SART3: variants seen among roughly 807,000 people sequenced by gnomAD.
SART3 encodes HIV-1 Tat-interacting protein of 110kDa.
A neutral mutation model predicts 122.3 loss-of-function variants in SART3; 44 were observed. The ratio of observed to expected loss-of-function variants is 0.36; its 90% CI spans 0.28 to 0.46. The LOEUF (loss-of-function observed/expected upper bound fraction) is 0.46. Ranked by LOEUF, SART3 falls within the 20% of genes least tolerant of loss-of-function variation. The pLI, the probability that SART3 is intolerant of heterozygous loss-of-function variation, is 1.00. For synonymous variants in SART3, 442 were observed against 454.0 expected, an observed-to-expected ratio of 0.97 and a Z score of 0.34; for missense variants, 1,101 against 1,229.0, an observed-to-expected ratio of 0.90 and a Z score of 1.56.
rs913358771 is a variant in SART3 at position 108,536,985 on chromosome 12, T to C, written c.1310-200A>G. On this transcript the variant is annotated intron_variant, in intron 9 of 18. Coordinates refer to ENST00000546815, the MANE Select transcript of SART3 (RefSeq NM_014706.4). ...TGAACAGAATAGAGCATGGACAGCGTGGTGAAAAAGGCAAACACAGGGTGC... is the reference window on the plus strand; with the variant it reads ...TGAACAGAATAGAGCATGGACAGCGCGGTGAAAAAGGCAAACACAGGGTGC... 4 of 596,316 alleles carry C rather than the reference T, an allele frequency of 6.7e-6. No individual in the cohort carries two copies. In the African/African-American group the frequency reaches 7.4e-5, roughly 11 times the overall value. The allele number at this position is 596,316 out of a possible 1,614,324, so 36.9% of individuals were successfully genotyped here.
intron 1 of SART3, among the ~76,000 whole-genome samples, chr12:108,550,062 A>T (rs1316396773): frequency 6.6e-6 from 1 of 151,778 alleles, no homozygotes; most frequent in Non-Finnish European, 1.5e-5. Context: ...TAGAGAAACA[A>T]GAGTGGCAGC....
rs761786884 is a variant in SART3 at position 108,561,082 on chromosome 12, C to T, written c.73G>A (p.Glu25Lys). 1 of 1,614,196 alleles carries T rather than the reference C, an allele frequency of 6.2e-7. No homozygotes were observed. Among genetic ancestry groups the T allele is most frequent in the South Asian group, 1.1e-5 (1 of 91,092 alleles). ...ESKAGPKADG[E>K]EDEVKAARTR... Reference sequence around the variant, plus strand: ...CTAGCCGCCTTAACCTCATCCTCCTCTCCGTCAGCCTTGGGCCCAGCCTTG... The same window carrying T: ...CTAGCCGCCTTAACCTCATCCTCCTTTCCGTCAGCCTTGGGCCCAGCCTTG... Residue 25 changes from glutamate (E) to lysine (K), a missense_variant, in exon 1 of 19, where the codon GAG becomes AAG. Glu to Lys is a moderately conservative substitution (Grantham distance 56). Around this residue, in one of 2 missense-constraint regions of SART3, gnomAD observed 216 missense variants for 148.9 expected, o/e 1.45. Transcript: ENST00000546815.
chr12:108,540,860 A>C (rs1873128876), intron 6 of SART3, among the ~76,000 whole-genome samples: 1 of 152,228 alleles, frequency 6.6e-6, no homozygotes, highest in South Asian at 2.1e-4. Flanking sequence ...AGGAATGATC[A>C]AACTCAGTAC....
chr12:108,558,407 T>C (rs777587987), intron 1 of SART3, among the ~76,000 whole-genome samples: 22 of 152,226 alleles, frequency 1.4e-4, no homozygotes, highest in Non-Finnish European at 1.8e-4. Context: ...AGTTCATCAC[T>C]TGCCAGGTCC....
intron 15 of SART3, among the ~76,000 whole-genome samples, chr12:108,527,260 CT>C (rs1393412640): frequency 1.3e-5 from 2 of 152,248 alleles, no homozygotes; most frequent in Admixed American, 1.3e-4. Context: ...TCCTCGACCA[CT>C]GCCCCACCCC....
intron 1 of SART3, 65 bp downstream of exon 1, chr12:108,560,778 C>A (rs2030492480): frequency 6.9e-7 from 1 of 1,445,390 alleles, no homozygotes; most frequent in East Asian, 2.3e-5. Context: ...GGGAGGCGGG[C>A]CAGGACATGG....
Position 108,530,290 on chromosome 12 carries a change from GGCTGCTT to G in SART3, c.1760_1766del (p.Glu587AlafsTer23). 6.2e-7 allele frequency: 1 copy of G among 1,614,026 alleles called. No homozygotes were observed. Among genetic ancestry groups the G allele is most frequent in the South Asian group, 1.1e-5 (1 of 91,076 alleles). ...CCTTTTCTTCTTCTTGCTGCACAAG[GGCTGCTT>G]CCTTCTCTGCAGCCTAGAAAAGTGG... On this transcript the variant is annotated frameshift_variant, in exon 15 of 19. Transcript: ENST00000546815. LOFTEE classifies it high-confidence loss of function.
chr12:108,560,905 C>G lies in SART3; in HGVS notation c.250G>C (p.Glu84Gln). 5 of 1,613,282 alleles carry G rather than the reference C, an allele frequency of 3.1e-6. No individual in the cohort carries two copies. The highest frequency in any genetic ancestry group is 1.3e-5 in the African/African-American group (1 of 75,034). ...TCCTCCTCTTCGTCATATTCCCACT[C>G]GTACTCCCCGGGGGAGCTCTCCGCG... The part of the protein sequence containing the change: ...SSAESSPGEY[E>Q]WEYDEEEEKN... Residue 84 changes from glutamate to glutamine, a missense_variant, in exon 1 of 19, where the codon GAG becomes CAG. By Grantham distance (29) the Glu-to-Gln change is conservative. Transcript: ENST00000546815.
chr12:108,543,585 C>T (rs532868256), intron 5 of SART3, among the ~76,000 whole-genome samples: 3 of 152,328 alleles, frequency 2.0e-5, no homozygotes, highest in East Asian at 1.9e-4. Context: ...GGCTCAAGTT[C>T]GCACTCTAAT....
chr12:108,535,714 T>TA (rs1175949349), intron 11 of SART3: 1 of 505,988 alleles, frequency 2.0e-6, no homozygotes, highest in Non-Finnish European at 3.7e-6. Context: ...GCACGGTACT[T>TA]ACTCGACAGT....
At chr12:108,527,200 G>T (rs1035167218) in intron 15 of SART3, among the ~76,000 whole-genome samples, 3 of 152,178 alleles carry the variant, frequency 2.0e-5, no homozygotes, top group African/African-American at 7.2e-5. Context: ...CTGTATTCAA[G>T]AGTGTCCCTG....
At chr12:108,527,415 TC>T (rs1400398549) in intron 15 of SART3, among the ~76,000 whole-genome samples, 2 of 152,150 alleles carry the variant, frequency 1.3e-5, no homozygotes, top group East Asian at 3.8e-4. Context: ...CACTCGGTCT[TC>T]CCCCTGGATG....
intron 3 of SART3, among the ~76,000 whole-genome samples, chr12:108,545,912 G>A (rs531293845): frequency 1.5e-5 from 2 of 133,590 alleles, no homozygotes; most frequent in South Asian, 5.2e-4. Flanking sequence ...AGGTTGCAGT[G>A]AGCCGAGATC....
chr12:108,542,538 CACAG>C (rs143755187), intron 6 of SART3, among the ~76,000 whole-genome samples: 45,668 of 151,814 alleles, frequency 0.3, 8,023 homozygotes, highest in Middle Eastern at 0.45. Flanking sequence ...CATCGCAGTA[CACAG>C]ACAACTTTAC....
At position 108,538,990 on chromosome 12, in the gene SART3, C is replaced by A. The variant is rs749640007; in HGVS notation, c.1006G>T (p.Ala336Ser). The A allele has an allele frequency of 2.5e-6, 4 of 1,614,038 alleles. No homozygotes were observed. Among genetic ancestry groups the A allele is most frequent in the Non-Finnish European group, 3.4e-6 (4 of 1,180,042 alleles). The change falls in exon 7 of 19, where the codon GCC becomes TCC. Residue 336 changes from alanine (A) to serine (S), a missense_variant. Ala to Ser is a moderately conservative substitution (Grantham distance 99). This residue lies in a region of SART3 where 885 missense variants were observed against 1,080.1 expected (regional missense o/e 0.82). Transcript: ENST00000546815. The stretch of plus-strand genomic sequence containing the variant: ...GGGACAAGGCAGTTCTCGACCAGGG[C>A]GCGCTCAAAGATCAACTGAATGCGA... ...PARIQLIFER[A>S]LVENCLVPDL...
At chr12:108,542,315 C>T (rs766607636) in intron 6 of SART3, among the ~76,000 whole-genome samples, 1 of 152,232 alleles carries the variant, frequency 6.6e-6, no homozygotes, top group African/African-American at 2.4e-5. Context: ...AACGAGAACT[C>T]TCAGATACTG....
intron 1 of SART3, among the ~76,000 whole-genome samples, chr12:108,557,164 T>C (rs374403742): frequency 2.0e-5 from 3 of 151,652 alleles, no homozygotes; most frequent in African/African-American, 7.3e-5. Flanking sequence ...AATGAGTACA[T>C]ATGCTGGTCT....
intron 1 of SART3, among the ~76,000 whole-genome samples, chr12:108,558,759 C>G (rs1394440243): frequency 6.6e-6 from 1 of 152,134 alleles, no homozygotes; most frequent in African/African-American, 2.4e-5. Context: ...AGAGGGCAGG[C>G]GCGGTGGCTC....
intron 1 of SART3, among the ~76,000 whole-genome samples, chr12:108,557,485 G>C (rs2030280562): frequency 1.3e-5 from 2 of 152,188 alleles, no homozygotes; most frequent in Admixed American, 6.5e-5. Context: ...AGAGAGGACT[G>C]ATGGAAAGAA....
Sources: gnomAD v4.1 joint callset for allele counts (sites outside exome capture counted in the v4.1 genomes callset) on GRCh38, gnomAD v4.1.1 for gene constraint, gnomAD v4.1.1 regional missense constraint, MANE v1.5 for transcripts, NCBI Gene and HGNC (gene_info 2026-07-23, HGNC 2026-07-21) for gene names.